The following GRIK5 variants were observed in gnomAD, a reference collection of about 807,000 sequenced individuals.
The protein encoded by GRIK5 is glutamate receptor ionotropic, kainate 5.
In GRIK5, 43 loss-of-function variants were observed where a neutral mutation model predicts 97.4. The observed-to-expected ratio is 0.44, with a 90% CI of 0.35 to 0.57. GRIK5 has a LOEUF of 0.57. Among genes scored for constraint, GRIK5 ranks in the 20% least tolerant of loss-of-function variants. GRIK5 has a pLI of 0.01. For missense variants in GRIK5, 1,015 were observed against 1,382.0 expected (o/e 0.73, Z 4.21); for synonymous variants, 580 against 583.5 (o/e 0.99, Z 0.09).
At chr19:42,046,858 G>A (rs912358876) in intron 11 of GRIK5, among the ~76,000 whole-genome samples, 8 of 152,000 alleles carry the variant, frequency 5.3e-5, no homozygotes, top group Non-Finnish European at 8.8e-5. Flanking sequence ...ATTTTACGTA[G>A]GTTTGTATTA....
Position 42,070,071 on chromosome 19 carries a change from G to GCCGGCTCCAGTCCCCGGCTCCAGTCC in GRIK5, c.-907_-882dup. 6.6e-6 allele frequency among the ~76,000 whole-genome samples: 1 copy of GCCGGCTCCAGTCCCCGGCTCCAGTCC among 152,080 alleles called. No homozygotes were observed. The highest frequency in any genetic ancestry group is 1.5e-5 in the Non-Finnish European group (1 of 67,982). On this transcript the variant is annotated 5_prime_UTR_variant, in exon 1 of 20. Transcript: ENST00000593562. ...ACACACTCCTGGTCCCCTGTGAGGA[G>GCCGGCTCCAGTCCCCGGCTCCAGTCC]CCGGCTCCAGTCCCCGGCTCCAGTC... is the stretch of plus-strand genomic sequence containing the variant.
intron 12 of GRIK5, among the ~76,000 whole-genome samples, chr19:42,040,172 A>G (rs187313726): frequency 6.6e-5 from 10 of 152,340 alleles, no homozygotes; most frequent in Admixed American, 5.2e-4. Flanking sequence ...CAACCAGTGC[A>G]CAGCAGAGCT....
Position 42,003,189 on chromosome 19 carries a change from T to TA in GRIK5, c.2514+142dup. 1.4e-6 allele frequency: 1 copy of TA among 728,660 alleles called. No individual in the cohort carries two copies. The highest frequency in any genetic ancestry group is 2.3e-6 in the Non-Finnish European group (1 of 436,922). The allele number at this position is 728,660 out of a possible 1,614,324, so 45.1% of individuals were successfully genotyped here. ...GATTCTCTGGCCCCATCAGCTCTCT[T>TA]ACTTCCCCACCTCCTGCATTCCTCT... On this transcript the variant is annotated intron_variant, in intron 19 of 19. Transcript: ENST00000593562. The surrounding 1 kb of genome is among the most constrained non-coding windows in gnomAD (Gnocchi z 4.2).
chr19:42,059,868 C>T (rs190666133), intron 5 of GRIK5, among the ~76,000 whole-genome samples: 83 of 152,186 alleles, frequency 5.5e-4, no homozygotes, highest in African/African-American at 1.5e-3. Context: ...GTGTGCCAGT[C>T]GCTCAGGCCA....
At position 41,999,271 on chromosome 19, in the gene GRIK5, T is replaced by C; in HGVS notation, c.2543A>G (p.Glu848Gly). The change falls in exon 20 of 20, where the codon GAG becomes GGG. Residue 848 changes from glutamate to glycine, a missense_variant. Glu to Gly is a moderately conservative substitution (Grantham distance 98). Coordinates refer to ENST00000593562, the MANE Select transcript of GRIK5 (RefSeq NM_002088.5). The surrounding 1 kb of genome is among the most constrained non-coding windows in gnomAD (Gnocchi z 5.0). Reference sequence around the variant, plus strand: ...GCGGCAAGAAACGGCGTGGCGCAGCTCCTGCAGCATCTCCTGGCACACCGA... The same window carrying C: ...GCGGCAAGAAACGGCGTGGCGCAGCCCCTGCAGCATCTCCTGGCACACCGA... ...EVSVCQEMLQ[E>G]LRHAVSCRKT... 6.6e-7 allele frequency: 1 copy of C among 1,525,214 alleles called. No individual in the cohort carries two copies. The highest frequency in any genetic ancestry group is 8.7e-7 in the Non-Finnish European group (1 of 1,143,092). The allele number at this position is 1,525,214 out of a possible 1,614,324, so 94.5% of individuals were successfully genotyped here. A position where few individuals can be genotyped will look rare whatever the true frequency, so the allele number is the denominator to read the frequency against.
At chr19:42,031,371 A>G (rs1458340654) in intron 12 of GRIK5, among the ~76,000 whole-genome samples, 1 of 152,236 alleles carries the variant, frequency 6.6e-6, no homozygotes, top group Non-Finnish European at 1.5e-5. Context: ...AGGAGCTTCC[A>G]CGTGGCTCTT....
chr19:42,055,707 T>A (rs954111735), intron 8 of GRIK5, among the ~76,000 whole-genome samples: 2 of 151,534 alleles, frequency 1.3e-5, no homozygotes, highest in Admixed American at 6.6e-5. Context: ...TGAGACAGAG[T>A]CTTGCTCTGT....
intron 11 of GRIK5, among the ~76,000 whole-genome samples, chr19:42,046,598 G>A (rs747202349): frequency 3.9e-5 from 6 of 152,208 alleles, no homozygotes; most frequent in Non-Finnish European, 5.9e-5. Context: ...AAAGATTATC[G>A]ATGTCATAAA....
Position 42,053,774 on chromosome 19 carries a change from G to A in GRIK5, c.1161+51C>T, listed in dbSNP as rs542410988. 233 of 1,543,968 alleles carry A rather than the reference G, an allele frequency of 1.5e-4. 2 individuals are homozygous for A. The East Asian group carries it at 4.3e-3, about 28-fold the overall frequency. ...TGAGGTCATGGCAGCCTCTGGGCCC[G>A]CCCCCACCCTCACCCCAGCAGGGCT... On this transcript the variant is annotated intron_variant, in intron 10 of 19. Transcript: ENST00000593562.
Position 42,069,697 on chromosome 19 carries a change from G to A in GRIK5, c.-507C>T, listed in dbSNP as rs1291191094. 5.3e-5 allele frequency among the ~76,000 whole-genome samples: 8 copies of A among 149,930 alleles called. No individual in the cohort carries two copies. The highest frequency in any genetic ancestry group is 2.4e-5 in the African/African-American group (1 of 40,828). ...AGGACTGGGTGGAGAAAAGGAAGCC[G>A]GCCATCAGGAGAAGTGGGGGAGGGG... On this transcript the variant is annotated 5_prime_UTR_variant, in exon 1 of 20. Coordinates refer to ENST00000593562, the MANE Select transcript of GRIK5 (RefSeq NM_002088.5).
intron 1 of GRIK5, chr19:42,068,968 G>C: frequency 1.7e-6 from 1 of 593,130 alleles, no homozygotes; most frequent in Admixed American, 2.8e-5. Flanking sequence ...CGGGGTAAGT[G>C]AGAGCCCAAG....
At chr19:42,025,858 A>G (rs1267448355) in intron 12 of GRIK5, among the ~76,000 whole-genome samples, 2 of 152,228 alleles carry the variant, frequency 1.3e-5, no homozygotes, top group African/African-American at 2.4e-5. Context: ...TATGCCTGTT[A>G]ACCCAGCACT....
At chr19:42,040,103 A>G (rs143340957) in intron 12 of GRIK5, among the ~76,000 whole-genome samples, 1 of 152,298 alleles carries the variant, frequency 6.6e-6, no homozygotes, top group Non-Finnish European at 1.5e-5. Flanking sequence ...TTATTCCCCA[A>G]TTTTACAGTT....
intron 1 of GRIK5, among the ~76,000 whole-genome samples, chr19:42,067,118 G>C (rs147246595): frequency 6.6e-6 from 1 of 152,362 alleles, no homozygotes; most frequent in Non-Finnish European, 1.5e-5. Context: ...CACGGGAAGG[G>C]ATGCTTGGGT....
chr19:42,005,658 G>T, intron 17 of GRIK5, 65 bp downstream of exon 17: 1 of 1,166,384 alleles, frequency 8.6e-7, no homozygotes, highest in Non-Finnish European at 1.3e-6. Context: ...CCGGTCCTGG[G>T]CCTGCTCACA....
intron 15 of GRIK5, among the ~76,000 whole-genome samples, chr19:42,016,376 G>A (rs559796925): frequency 7.6e-4 from 116 of 152,304 alleles, no homozygotes; most frequent in Admixed American, 1.4e-3. Flanking sequence ...AGCCGAGATC[G>A]TGCCACTGCA....
chr19:42,027,771 G>C (rs149053125), intron 12 of GRIK5, among the ~76,000 whole-genome samples: 1 of 152,268 alleles, frequency 6.6e-6, no homozygotes, highest in Non-Finnish European at 1.5e-5. Flanking sequence ...TCCTCCCAGA[G>C]CCTTTGGAGC....
Position 41,999,040 on chromosome 19 carries a change from G to C in GRIK5, c.2774C>G (p.Thr925Ser). The change falls in exon 20 of 20, where the codon ACC (threonine) becomes AGC (serine). Residue 925 changes from threonine (T) to serine (S), a missense_variant. Coordinates refer to ENST00000593562, the MANE Select transcript of GRIK5 (RefSeq NM_002088.5). The surrounding 1 kb of genome is among the most constrained non-coding windows in gnomAD (Gnocchi z 5.0). ...GCAGACGCGCACGTGGGTGCAGGGG[G>C]TGGGGGCGGCGGGTCGGGCTCCGCT... ...PPSGARPAAP[T>S]PCTHVRVCQE... The C allele has an allele frequency of 8.1e-7, 1 of 1,239,136 alleles. No individual in the cohort carries two copies. Among genetic ancestry groups the C allele is most frequent in the Non-Finnish European group, 1.0e-6 (1 of 992,834 alleles). 76.8% of individuals were successfully genotyped at this position (1,239,136 alleles called of 1,614,324 possible). A position where few individuals can be genotyped will look rare whatever the true frequency, so the allele number is the denominator to read the frequency against.
intron 12 of GRIK5, among the ~76,000 whole-genome samples, chr19:42,033,845 T>C (rs1197100888): frequency 6.6e-6 from 1 of 151,992 alleles, no homozygotes; most frequent in Non-Finnish European, 1.5e-5. Flanking sequence ...ATTAAAAATA[T>C]AAAAATTAGC....
Sources: gnomAD v4.1 joint callset for allele counts (sites outside exome capture counted in the v4.1 genomes callset) on GRCh38, gnomAD v4.1.1 for gene constraint, Gnocchi (gnomAD v3.1) non-coding constraint, MANE v1.5 for transcripts, NCBI Gene and HGNC (gene_info 2026-07-23, HGNC 2026-07-21) for gene names.